Variants in GRID2 observed in about 807,000 individuals in gnomAD.
The protein encoded by GRID2 is glutamate ionotropic receptor delta type subunit 2, also known as glutamate receptor ionotropic, delta-2.
A neutral mutation model predicts 114.8 loss-of-function variants in GRID2; 33 were observed. That is an observed-to-expected ratio of 0.29 (90% CI 0.22 to 0.38). The LOEUF is 0.38. GRID2 is among the 10% of genes least tolerant of loss of function. GRID2 has a pLI of 1.00. For synonymous variants in GRID2, 505 were observed against 449.9 expected (o/e 1.12, Z -1.55); for missense variants, 1,184 against 1,257.7 (o/e 0.94, Z 0.89).
At chr4:93,187,813 A>C (rs1285302550) in intron 4 of GRID2, among the ~76,000 whole-genome samples, 2 of 152,210 alleles carry the variant, frequency 1.3e-5, no homozygotes, top group African/African-American at 2.4e-5. Flanking sequence ...AAGGAAAAAA[A>C]GTGGTAACTT....
chr4:92,525,430 A>G (rs955465603), intron 1 of GRID2, among the ~76,000 whole-genome samples: 2 of 152,084 alleles, frequency 1.3e-5, no homozygotes, highest in Non-Finnish European at 2.9e-5. Context: ...GTGATGGCTG[A>G]CCTTGCAGTA....
At chr4:93,528,608 C>T (rs1304814378) in intron 13 of GRID2, among the ~76,000 whole-genome samples, 1 of 152,062 alleles carries the variant, frequency 6.6e-6, no homozygotes, top group Non-Finnish European at 1.5e-5. Flanking sequence ...TTGGATTGTG[C>T]TTGCTTATCA....
intron 2 of GRID2, among the ~76,000 whole-genome samples, chr4:92,692,852 A>G (rs1239771153): frequency 2.6e-5 from 4 of 151,806 alleles, no homozygotes; most frequent in South Asian, 4.1e-4. Context: ...GCGAAACCCC[A>G]TCTCTACTAA....
chr4:93,402,781 A>G (rs1359281979), intron 9 of GRID2, among the ~76,000 whole-genome samples: 1 of 152,090 alleles, frequency 6.6e-6, no homozygotes, highest in Non-Finnish European at 1.5e-5. Context: ...ATATTATCTC[A>G]TATAAACTGT....
intron 1 of GRID2, among the ~76,000 whole-genome samples, chr4:92,375,350 C>T (rs1194470227): frequency 6.6e-6 from 1 of 151,814 alleles, no homozygotes; most frequent in African/African-American, 2.4e-5. Context: ...CTTTTTAGCC[C>T]TTGTAATTTG....
At chr4:92,406,256 C>T (rs1380943119) in intron 1 of GRID2, among the ~76,000 whole-genome samples, 2 of 152,138 alleles carry the variant, frequency 1.3e-5, no homozygotes, top group Non-Finnish European at 2.9e-5. Context: ...TTAACCATCA[C>T]AATACAATTA....
At chr4:92,980,072 T>C (rs1486559218) in intron 2 of GRID2, among the ~76,000 whole-genome samples, 1 of 152,162 alleles carries the variant, frequency 6.6e-6, no homozygotes, top group South Asian at 2.1e-4. Flanking sequence ...TTTGCCTTAA[T>C]AATAATGTGT....
chr4:93,230,515 T>C (rs1402269883), intron 7 of GRID2, among the ~76,000 whole-genome samples: 1 of 152,188 alleles, frequency 6.6e-6, no homozygotes, highest in Non-Finnish European at 1.5e-5. Context: ...AATTAAGTTG[T>C]TTTTATTAGT....
At chr4:92,812,817 T>A (rs1351997644) in intron 2 of GRID2, among the ~76,000 whole-genome samples, 1 of 152,156 alleles carries the variant, frequency 6.6e-6, no homozygotes. Context: ...AGATACTTAA[T>A]TTGCTACTTC....
intron 1 of GRID2, among the ~76,000 whole-genome samples, chr4:92,449,706 TA>T (rs1720798390): frequency 7.0e-6 from 1 of 142,990 alleles, no homozygotes; most frequent in South Asian, 2.1e-4. Context: ...TATATATATA[TA>T]TATAACACTT....
At chr4:92,805,235 A>G (rs993163749) in intron 2 of GRID2, among the ~76,000 whole-genome samples, 4 of 151,838 alleles carry the variant, frequency 2.6e-5, no homozygotes, top group Non-Finnish European at 5.9e-5. Context: ...TTTTTTTGAT[A>G]CTTTTCTCTC....
At chr4:93,523,677 T>G (rs542263306) in intron 13 of GRID2, among the ~76,000 whole-genome samples, 21 of 152,224 alleles carry the variant, frequency 1.4e-4, no homozygotes, top group Admixed American at 1.3e-3. Context: ...TGCCAGGTGC[T>G]TACTGAGGTG....
intron 2 of GRID2, among the ~76,000 whole-genome samples, chr4:92,857,069 G>T (rs981115442): frequency 4.6e-5 from 7 of 152,266 alleles, no homozygotes; most frequent in Non-Finnish European, 1.0e-4. Flanking sequence ...ACGCCCATAT[G>T]ATAGCAAACT....
chr4:93,106,039 T>A (rs1732193019), intron 3 of GRID2, among the ~76,000 whole-genome samples: 1 of 152,148 alleles, frequency 6.6e-6, no homozygotes, highest in African/African-American at 2.4e-5. Context: ...CCTCCCCCAG[T>A]CTTATGTTTA....
intron 8 of GRID2, among the ~76,000 whole-genome samples, chr4:93,346,333 G>A (rs1033194977): frequency 1.3e-5 from 2 of 152,078 alleles, no homozygotes; most frequent in Non-Finnish European, 2.9e-5. Flanking sequence ...AATGCCTCAT[G>A]GTTATATATG....
intron 8 of GRID2, among the ~76,000 whole-genome samples, chr4:93,370,691 A>G (rs960060819): frequency 6.6e-6 from 1 of 151,614 alleles, no homozygotes; most frequent in Non-Finnish European, 1.5e-5. Context: ...TATTTTCTCT[A>G]TAGTTTTCCC....
intron 2 of GRID2, among the ~76,000 whole-genome samples, chr4:93,037,286 GTA>G: frequency 6.6e-6 from 1 of 152,240 alleles, no homozygotes; most frequent in Middle Eastern, 3.4e-3. Flanking sequence ...AACAAAATAA[GTA>G]TATTCATAAA....
At chr4:92,761,620 G>A (rs184628027) in intron 2 of GRID2, among the ~76,000 whole-genome samples, 1 of 152,186 alleles carries the variant, frequency 6.6e-6, no homozygotes, top group East Asian at 1.9e-4. Context: ...TGTGTCAGTG[G>A]TCCTTGGGCT....
chr4:93,054,402 A>G (rs1209090559), intron 2 of GRID2, among the ~76,000 whole-genome samples: 1 of 151,582 alleles, frequency 6.6e-6, no homozygotes, highest in Non-Finnish European at 1.5e-5. Flanking sequence ...AGTTTAAGGG[A>G]TTATTTTGCC....
Sources: gnomAD v4.1 joint callset for allele counts (sites outside exome capture counted in the v4.1 genomes callset) on GRCh38, gnomAD v4.1.1 for gene constraint, MANE v1.5 for transcripts, NCBI Gene and HGNC (gene_info 2026-07-23, HGNC 2026-07-21) for gene names.